Variants in CDK5RAP2 observed in about 807,000 individuals in gnomAD.
The protein encoded by CDK5RAP2 is CDK5 regulatory subunit associated protein 2.
In CDK5RAP2, 147 loss-of-function variants were observed where a neutral mutation model predicts 232.9. That is an observed-to-expected ratio of 0.63 (90% CI 0.55 to 0.72). CDK5RAP2 has a LOEUF of 0.72. CDK5RAP2 is among the 30% of genes least tolerant of loss of function. CDK5RAP2 has a pLI of 0.00. For synonymous variants in CDK5RAP2, 833 were observed against 833.7 expected, an observed-to-expected ratio of 1.00 and a Z score of 0.01; for missense variants, 2,195 against 2,231.5, an observed-to-expected ratio of 0.98 and a Z score of 0.33.
At chr9:120,507,929 AAAAAAAAAAAAAAATATAT>A (rs1400049054) in intron 12 of CDK5RAP2, among the ~76,000 whole-genome samples, 12 of 71,754 alleles carry the variant, frequency 1.7e-4, no homozygotes, top group East Asian at 1.3e-3. Context: ...AAAAAAAAAA[AAAAAAAAAAAAAAATATAT>A]ATATATATAT....
intron 5 of CDK5RAP2, among the ~76,000 whole-genome samples, chr9:120,543,400 T>C (rs2041717424): frequency 1.3e-5 from 2 of 152,236 alleles, no homozygotes. Context: ...TCAAAATCTC[T>C]AGTGTCTAGA....
intron 25 of CDK5RAP2, among the ~76,000 whole-genome samples, chr9:120,433,783 G>T (rs1381284873): frequency 2.6e-5 from 4 of 152,144 alleles, no homozygotes; most frequent in Non-Finnish European, 5.9e-5. Context: ...TAAAATCCCA[G>T]CTCTGCCATT....
At chr9:120,550,222 C>T (rs1319323451) in intron 4 of CDK5RAP2, among the ~76,000 whole-genome samples, 1 of 152,180 alleles carries the variant, frequency 6.6e-6, no homozygotes, top group Non-Finnish European at 1.5e-5. Context: ...CAGTTACAGG[C>T]AAGCACACAG....
chr9:120,556,913 T>C (rs1302553112), intron 3 of CDK5RAP2, among the ~76,000 whole-genome samples: 2 of 151,594 alleles, frequency 1.3e-5, no homozygotes, highest in African/African-American at 2.4e-5. Flanking sequence ...AAACAGCACA[T>C]AAAACATTCA....
Position 120,458,625 on chromosome 9 carries a change from G to A in CDK5RAP2, c.2203-3C>T. On this transcript the variant is annotated splice_polypyrimidine_tract_variant and splice_region_variant and intron_variant, in intron 19 of 37. Transcript: ENST00000349780. ...CCTTTGGAAAGGTCTTTCATAATCT[G>A]CAAATAAAAGTATTTGGTCAAATAA... 1.9e-6 allele frequency: 3 copies of A among 1,613,572 alleles called. No homozygotes were observed. The highest frequency in any genetic ancestry group is 2.5e-6 in the Non-Finnish European group (3 of 1,179,500).
chr9:120,451,746 A>G (rs2036490462), intron 21 of CDK5RAP2, among the ~76,000 whole-genome samples: 1 of 151,686 alleles, frequency 6.6e-6, no homozygotes, highest in Non-Finnish European at 1.5e-5. Context: ...CAGCTAAATC[A>G]CTCTGGACAG....
At chr9:120,548,976 G>A (rs1326710042) in intron 4 of CDK5RAP2, among the ~76,000 whole-genome samples, 2 of 152,150 alleles carry the variant, frequency 1.3e-5, no homozygotes. Flanking sequence ...GGAGAACATG[G>A]GGAAACCCCA....
intron 3 of CDK5RAP2, among the ~76,000 whole-genome samples, chr9:120,561,391 G>A (rs766104712): frequency 3.3e-5 from 5 of 152,026 alleles, no homozygotes; most frequent in Non-Finnish European, 5.9e-5. Context: ...CAACCTCCCA[G>A]GCTCAAGCAA....
intron 3 of CDK5RAP2, among the ~76,000 whole-genome samples, chr9:120,554,034 A>T (rs2042138218): frequency 6.6e-6 from 1 of 152,236 alleles, no homozygotes; most frequent in African/African-American, 2.4e-5. Flanking sequence ...TGTTAACTCA[A>T]TAGAATATGA....
At chr9:120,531,268 G>A (rs868788335) in intron 7 of CDK5RAP2, among the ~76,000 whole-genome samples, 29 of 57,302 alleles carry the variant, frequency 5.1e-4, no homozygotes, top group African/African-American at 1.6e-3. Flanking sequence ...CCCTACCCCC[G>A]CCTCACCCCC....
intron 4 of CDK5RAP2, among the ~76,000 whole-genome samples, chr9:120,547,701 G>A (rs1454632090): frequency 6.6e-6 from 1 of 152,148 alleles, no homozygotes; most frequent in Non-Finnish European, 1.5e-5. Flanking sequence ...ACTTCACGTT[G>A]AGAAGTACAG....
At chr9:120,437,157 T>G in intron 25 of CDK5RAP2, 138 bp downstream of exon 25, 1 of 710,852 alleles carries the variant, frequency 1.4e-6, no homozygotes, top group South Asian at 1.6e-5. Flanking sequence ...CAGCAGCCAG[T>G]GTGGTTCTGC....
chr9:120,527,746 G>A (rs2040968306), intron 10 of CDK5RAP2, 60 bp downstream of exon 10: 2 of 1,594,018 alleles, frequency 1.3e-6, no homozygotes, highest in African/African-American at 1.3e-5. Context: ...ATTCAGGGTA[G>A]GACAGGCCAG....
chr9:120,426,820 T>C (rs920352510), intron 25 of CDK5RAP2, among the ~76,000 whole-genome samples: 4 of 152,184 alleles, frequency 2.6e-5, no homozygotes, highest in Admixed American at 6.5e-5. Flanking sequence ...GATGCTATAA[T>C]GGAGTCAGGT....
chr9:120,503,797 C>T (rs1188909796), intron 12 of CDK5RAP2, among the ~76,000 whole-genome samples: 3 of 152,052 alleles, frequency 2.0e-5, no homozygotes, highest in Non-Finnish European at 4.4e-5. Flanking sequence ...ACATACAACC[C>T]CCAGACTGAT....
intron 3 of CDK5RAP2, among the ~76,000 whole-genome samples, chr9:120,551,413 CAAT>C (rs1232823269): frequency 6.6e-6 from 1 of 152,188 alleles, no homozygotes. Flanking sequence ...GGTAACCTTA[CAAT>C]TTAGGAAACT....
rs564361832 is a variant in CDK5RAP2 at position 120,489,068 on chromosome 9, G to A, written c.1483-1631C>T. Among the ~76,000 whole-genome samples the A allele has an allele frequency of 1.4e-3, 215 of 152,380 alleles. 1 individual carries two copies. The highest frequency in any genetic ancestry group is 5.0e-3 in the African/African-American group (210 of 41,592). On this transcript the variant is annotated intron_variant, in intron 13 of 37. Coordinates refer to ENST00000349780, the MANE Select transcript of CDK5RAP2 (RefSeq NM_018249.6). ...AAATGACTGTAGGCACCAAATGTCT[G>A]AAAATGCCTTTATTCTGCCCTCACA...
chr9:120,434,755 C>T (rs144903344), intron 25 of CDK5RAP2, among the ~76,000 whole-genome samples: 72 of 152,274 alleles, frequency 4.7e-4, no homozygotes, highest in African/African-American at 1.7e-3. Context: ...GGGATCAACA[C>T]GTCAAATACT....
chr9:120,569,743 T>A (rs1020065785), intron 2 of CDK5RAP2, among the ~76,000 whole-genome samples: 3 of 152,150 alleles, frequency 2.0e-5, no homozygotes, highest in African/African-American at 4.8e-5. Context: ...GTAAGATGAT[T>A]CGACTTAGGT....
Sources: allele counts gnomAD v4.1 joint callset (sites outside exome capture counted in the v4.1 genomes callset), GRCh38; gene constraint gnomAD v4.1.1; transcripts MANE v1.5; gene names NCBI Gene and HGNC (gene_info 2026-07-23, HGNC 2026-07-21).